Variants in ADCY5 observed in about 807,000 individuals in gnomAD.
ADCY5 encodes adenylate cyclase type 5.
In ADCY5, 30 loss-of-function variants were observed where a neutral mutation model predicts 119.7. The observed-to-expected ratio is 0.25, with a 90% CI of 0.19 to 0.34. The LOEUF is 0.34. Among genes scored for constraint, ADCY5 ranks in the 10% least tolerant of loss-of-function variants. The probability of loss-of-function intolerance (pLI) is 1.00; values close to 1 mark genes in which losing one functional copy is unlikely to be tolerated. For synonymous variants in ADCY5, 753 were observed against 762.2 expected, an observed-to-expected ratio of 0.99 and a Z score of 0.20; for missense variants, 1,324 against 1,775.2, an observed-to-expected ratio of 0.75 and a Z score of 4.57.
At chr3:123,303,893 G>GAAAAGAGAAGAGAAGAA in intron 13 of ADCY5, among the ~76,000 whole-genome samples, 174 bp downstream of exon 13, 1 of 117,248 alleles carries the variant, frequency 8.5e-6, no homozygotes, top group East Asian at 4.2e-4. Context: ...GAAGAGAAGA[G>GAAAAGAGAAGAGAAGAA]AAGAAAGAAC....
rs1941109746 is a variant in ADCY5 at position 123,319,671 on chromosome 3, T to C, written c.2256+3A>G. 1 of 1,614,128 alleles carries C rather than the reference T, an allele frequency of 6.2e-7. No individual in the cohort carries two copies. Among genetic ancestry groups the C allele is most frequent in the African/African-American group, 1.3e-5 (1 of 75,054 alleles). The stretch of plus-strand genomic sequence containing the variant: ...GGCCTCCTTCCCACCCAGGGTGCTG[T>C]ACCTTCTTCTCTAAGTCAGGCTCCC... On this transcript the variant is annotated splice_donor_region_variant and intron_variant, in intron 10 of 20. Coordinates refer to ENST00000462833, the MANE Select transcript of ADCY5 (RefSeq NM_183357.3).
At chr3:123,323,268 T>C (rs775367634) in intron 8 of ADCY5, among the ~76,000 whole-genome samples, 8 of 152,178 alleles carry the variant, frequency 5.3e-5, no homozygotes, top group Non-Finnish European at 1.2e-4. Context: ...CTCCAGAGAC[T>C]GTCCCTTCCC....
chr3:123,294,941 G>A (rs1233007640), intron 17 of ADCY5, among the ~76,000 whole-genome samples: 2 of 152,212 alleles, frequency 1.3e-5, no homozygotes, highest in Non-Finnish European at 1.5e-5. Context: ...GATTGAGGAA[G>A]AAGGCAGAGG....
intron 3 of ADCY5, among the ~76,000 whole-genome samples, chr3:123,337,107 ATCTG>A (rs977006210): frequency 5.9e-5 from 9 of 152,036 alleles, no homozygotes; most frequent in Non-Finnish European, 1.0e-4. Flanking sequence ...AACCCTTCCC[ATCTG>A]TCTATCTCCC....
chr3:123,445,112 C>CA (rs1185750201), intron 1 of ADCY5, among the ~76,000 whole-genome samples: 2 of 152,194 alleles, frequency 1.3e-5, no homozygotes, highest in African/African-American at 4.8e-5. Context: ...CCACTCATAA[C>CA]AAGCTCTGCA....
intron 3 of ADCY5, 141 bp from the exon 4 acceptor site, chr3:123,332,816 G>A (rs1323598640): frequency 3.3e-6 from 2 of 606,720 alleles, no homozygotes; most frequent in Non-Finnish European, 3.0e-6. Context: ...GTGCAGTGGT[G>A]TGATCAAGGC....
chr3:123,422,181 C>T (rs571814804), intron 1 of ADCY5, among the ~76,000 whole-genome samples: 61 of 152,282 alleles, frequency 4.0e-4, no homozygotes, highest in African/African-American at 1.4e-3. Context: ...TGCTGCCAGG[C>T]TTTCTCCCCT....
chr3:123,391,956 A>G (rs1461495472), intron 1 of ADCY5, among the ~76,000 whole-genome samples: 23 of 152,218 alleles, frequency 1.5e-4, no homozygotes, highest in Non-Finnish European at 2.9e-5. Context: ...CAGTCCCACC[A>G]GAGTGTCCTG....
Position 123,284,699 on chromosome 3 carries a change from G to T in ADCY5, c.3695C>A (p.Thr1232Lys), listed in dbSNP as rs201599722. ...CACGCCCCGGCACTCCAGCTGGTAC[G>T]TGTTGGCAGCCAGCACCTGGTACAT... ...TDMYQVLAANTYQLECRGVVK... is the reference protein window; with the variant it reads ...TDMYQVLAANKYQLECRGVVK... The change falls in exon 21 of 21, where the codon ACG becomes AAG. Residue 1232 changes from threonine (T) to lysine (K), a missense_variant. Thr to Lys is a moderately conservative substitution (Grantham distance 78, BLOSUM62 -1). Coordinates refer to ENST00000462833, the MANE Select transcript of ADCY5 (RefSeq NM_183357.3). 6.2e-7 allele frequency: 1 copy of T among 1,614,240 alleles called. No homozygotes were observed. The highest frequency in any genetic ancestry group is 8.5e-7 in the Non-Finnish European group (1 of 1,180,038).
chr3:123,319,141 G>A (rs1941079949), intron 10 of ADCY5, among the ~76,000 whole-genome samples: 1 of 152,108 alleles, frequency 6.6e-6, no homozygotes, highest in Admixed American at 6.5e-5. Context: ...ATCACCTGAG[G>A]TCAGGAGTTC....
rs1451210997 is a variant in ADCY5, at chr3:123,303,238, G to A, written c.2560-19C>T. ...ACGTGAACTGGGGGGAGGAAGGAGG[G>A]TGATGAGGGGAGGGTAAGCTGCTGG... On this transcript the variant is annotated intron_variant, in intron 13 of 20. Transcript: ENST00000462833. The A allele has an allele frequency of 6.2e-7, 1 of 1,608,754 alleles. No individual in the cohort carries two copies. The highest frequency in any genetic ancestry group is 1.3e-5 in the African/African-American group (1 of 74,878).
chr3:123,375,183 G>A (rs1559846288), intron 1 of ADCY5, among the ~76,000 whole-genome samples: 1 of 152,194 alleles, frequency 6.6e-6, no homozygotes, highest in East Asian at 1.9e-4. Flanking sequence ...GGTTAGTGTC[G>A]GCTCACTGCT....
intron 1 of ADCY5, among the ~76,000 whole-genome samples, chr3:123,379,733 A>T (rs964581311): frequency 3.9e-5 from 6 of 152,146 alleles, no homozygotes; most frequent in Non-Finnish European, 7.4e-5. Flanking sequence ...ACGGGACTTC[A>T]GAAGTTGAGA....
At chr3:123,414,427 C>G (rs1161971554) in intron 1 of ADCY5, among the ~76,000 whole-genome samples, 2 of 152,234 alleles carry the variant, frequency 1.3e-5, no homozygotes, top group African/African-American at 4.8e-5. Context: ...TCCTCGGAAA[C>G]CATACAGATG....
chr3:123,383,275 T>C (rs1420511162), intron 1 of ADCY5, among the ~76,000 whole-genome samples: 2 of 152,052 alleles, frequency 1.3e-5, no homozygotes, highest in Non-Finnish European at 2.9e-5. Flanking sequence ...TCAGTAGCCA[T>C]AGTGTGTGTC....
At position 123,448,402 on chromosome 3, in the gene ADCY5, G is replaced by A. The variant is rs4678027; in HGVS notation, c.144C>T (p.Gly48=). ...GTTTCTTGGTGGAGCCGCGGGCAGA[G>A]CCCCCGGGGGCATGGGGGTAGCCAT... is the stretch of plus-strand genomic sequence containing the variant. ...RANGYPHAPG[G]SARGSTKKPG... Residue 48 remains glycine (G), a synonymous_variant, in exon 1 of 21, where the codon GGC becomes GGT. Transcript: ENST00000462833. 1,419,460 of 1,422,806 alleles carry A rather than the reference G, an allele frequency of 1. 708,135 individuals are homozygous for A. The highest frequency in any genetic ancestry group is 1 in the East Asian group (33,120 of 33,120). 88.1% of individuals were successfully genotyped at this position (1,422,806 alleles called of 1,614,324 possible).
intron 2 of ADCY5, among the ~76,000 whole-genome samples, chr3:123,350,154 C>T (rs1942765387): frequency 6.6e-6 from 1 of 152,256 alleles, no homozygotes; most frequent in Non-Finnish European, 1.5e-5. Flanking sequence ...CACCCTCCTT[C>T]AGGGTCTCCC....
chr3:123,322,203 G>T (rs772956153), intron 8 of ADCY5, among the ~76,000 whole-genome samples: 5 of 152,234 alleles, frequency 3.3e-5, no homozygotes, highest in African/African-American at 4.8e-5. Context: ...CCCTGCGAGG[G>T]GTTGGCCCAC....
intron 15 of ADCY5, 69 bp downstream of exon 15, chr3:123,300,051 C>A: frequency 1.3e-6 from 2 of 1,544,662 alleles, no homozygotes; most frequent in Non-Finnish European, 1.8e-6. Flanking sequence ...GAACCCTAAA[C>A]CTCCTGCTCT....
Sources: allele counts gnomAD v4.1 joint callset (sites outside exome capture counted in the v4.1 genomes callset), GRCh38; gene constraint gnomAD v4.1.1; transcripts MANE v1.5; gene names NCBI Gene and HGNC (gene_info 2026-07-23, HGNC 2026-07-21).